NDUFS4: variants seen among roughly 807,000 people sequenced by gnomAD.
The protein encoded by NDUFS4 is NADH dehydrogenase [ubiquinone] iron-sulfur protein 4, mitochondrial.
In NDUFS4, 28 loss-of-function variants were observed where a neutral mutation model predicts 24.3. The observed-to-expected ratio is 1.15, with a 90% CI of 0.85 to 1.58. The LOEUF (loss-of-function observed/expected upper bound fraction) is 1.58. NDUFS4 is among the 40% of genes most tolerant of loss of function. The probability of loss-of-function intolerance (pLI) is 0.00; values close to 1 mark genes in which losing one functional copy is unlikely to be tolerated. For missense variants in NDUFS4, 223 were observed against 207.9 expected (o/e 1.07, Z -0.45); for synonymous variants, 93 against 69.7 (o/e 1.34, Z -1.67).
chr5:53,683,299 C>A lies in NDUFS4; in HGVS notation c.*78C>A. 1 of 1,007,434 alleles carries A rather than the reference C, an allele frequency of 9.9e-7. No homozygotes were observed. Among genetic ancestry groups the A allele is most frequent in the Non-Finnish European group, 1.6e-6 (1 of 636,536 alleles). 62.4% of individuals were successfully genotyped at this position (1,007,434 alleles called of 1,614,324 possible). A position where few individuals can be genotyped will look rare whatever the true frequency, so the allele number is the denominator to read the frequency against. The stretch of plus-strand genomic sequence containing the variant: ...ATTTATAGTCCATGTATAATAAATA[C>A]ATCTCTTAATCTCCTAATAAATTGG... On this transcript the variant is annotated 3_prime_UTR_variant, in exon 5 of 5. Transcript: ENST00000296684.
intron 2 of NDUFS4, among the ~76,000 whole-genome samples, chr5:53,617,907 G>A (rs1308280670): frequency 1.3e-5 from 2 of 152,126 alleles, no homozygotes; most frequent in African/African-American, 4.8e-5. Flanking sequence ...TTTAACCTCT[G>A]TGAGTGTCCT....
chr5:53,653,173 G>A (rs1752067209), intron 3 of NDUFS4, among the ~76,000 whole-genome samples: 1 of 151,776 alleles, frequency 6.6e-6, no homozygotes, highest in Non-Finnish European at 1.5e-5. Flanking sequence ...TTTTTTGTTA[G>A]AAAATTATGA....
chr5:53,603,351 T>A (rs75151684), intron 1 of NDUFS4, 101 bp from the exon 2 acceptor site: 3 of 788,990 alleles, frequency 3.8e-6, no homozygotes, highest in South Asian at 3.3e-5. Flanking sequence ...TTTTTTTTTT[T>A]AATAAGACAG....
chr5:53,571,191 A>G (rs1749199346), intron 1 of NDUFS4, among the ~76,000 whole-genome samples: 1 of 152,200 alleles, frequency 6.6e-6, no homozygotes, highest in African/African-American at 2.4e-5. Context: ...CTCTGTACCC[A>G]TTAGCAGTCG....
chr5:53,646,492 T>C lies in NDUFS4; in HGVS notation c.350+87T>C, dbSNP rs892262223. On this transcript the variant is annotated intron_variant, in intron 3 of 4. Transcript: ENST00000296684. ...TAAATATGATTTTCAAACTCTTTTA[T>C]GTACAATATGCTTATGACAGTACTT... The C allele has an allele frequency of 3.7e-6, 5 of 1,366,794 alleles. No homozygotes were observed. The African/African-American group carries it at 7.2e-5, about 20-fold the overall frequency. 84.7% of individuals were successfully genotyped at this position (1,366,794 alleles called of 1,614,324 possible).
chr5:53,605,029 G>C, intron 2 of NDUFS4: 1 of 371,576 alleles, frequency 2.7e-6, no homozygotes, highest in Middle Eastern at 8.4e-4. Context: ...TGACCAGCTT[G>C]ACCAACATGG....
intron 1 of NDUFS4, among the ~76,000 whole-genome samples, chr5:53,575,374 C>T (rs1749348915): frequency 1.3e-5 from 2 of 151,994 alleles, no homozygotes; most frequent in Admixed American, 1.3e-4. Context: ...GTGGGAGATA[C>T]AGGGTACAGT....
At chr5:53,663,079 A>T (rs1410144787) in intron 4 of NDUFS4, among the ~76,000 whole-genome samples, 1 of 151,792 alleles carries the variant, frequency 6.6e-6, no homozygotes, top group Non-Finnish European at 1.5e-5. Flanking sequence ...TTCATTATGT[A>T]CCCAGTAGTC....
intron 4 of NDUFS4, among the ~76,000 whole-genome samples, chr5:53,681,297 T>G (rs1033534880): frequency 3.9e-5 from 6 of 152,156 alleles, no homozygotes. Context: ...AGCCTCAGTT[T>G]ACTCACCTGT....
At chr5:53,599,562 GTTTA>G (rs1403102786) in intron 1 of NDUFS4, among the ~76,000 whole-genome samples, 2 of 152,050 alleles carry the variant, frequency 1.3e-5, no homozygotes, top group African/African-American at 2.4e-5. Flanking sequence ...TTGGATAAAT[GTTTA>G]TTTAGGTGTT....
intron 1 of NDUFS4, among the ~76,000 whole-genome samples, chr5:53,596,799 T>C (rs1291386579): frequency 6.6e-6 from 1 of 152,212 alleles, no homozygotes; most frequent in Non-Finnish European, 1.5e-5. Flanking sequence ...CGTAATTAGT[T>C]CTAATCAAAA....
chr5:53,589,932 A>T (rs1185068586), intron 1 of NDUFS4, among the ~76,000 whole-genome samples: 1 of 152,220 alleles, frequency 6.6e-6, no homozygotes, highest in Non-Finnish European at 1.5e-5. Context: ...CTCAACTTGC[A>T]GATGGCTTAT....
intron 2 of NDUFS4, 153 bp from the exon 3 acceptor site, chr5:53,646,080 A>G: frequency 1.5e-6 from 1 of 645,688 alleles, no homozygotes; most frequent in Non-Finnish European, 2.7e-6. Flanking sequence ...TTTACATTGT[A>G]AAGTATCAGA....
chr5:53,564,372 C>A (rs1004048926), intron 1 of NDUFS4, among the ~76,000 whole-genome samples: 2 of 152,160 alleles, frequency 1.3e-5, no homozygotes, highest in Non-Finnish European at 2.9e-5. Context: ...CTCCTAGGGG[C>A]AGCTATTTTT....
At chr5:53,588,979 C>G (rs1033418990) in intron 1 of NDUFS4, among the ~76,000 whole-genome samples, 2 of 149,654 alleles carry the variant, frequency 1.3e-5, no homozygotes, top group African/African-American at 4.9e-5. Flanking sequence ...AATGCATAGC[C>G]ATCTTAAAAA....
intron 1 of NDUFS4, among the ~76,000 whole-genome samples, chr5:53,597,606 A>G (rs1490113242): frequency 1.3e-5 from 2 of 152,172 alleles, no homozygotes; most frequent in African/African-American, 4.8e-5. Flanking sequence ...CTTTTTGAAA[A>G]GTGTATTTTG....
At chr5:53,626,747 A>C (rs1395228275) in intron 2 of NDUFS4, among the ~76,000 whole-genome samples, 1 of 151,842 alleles carries the variant, frequency 6.6e-6, no homozygotes, top group African/African-American at 2.4e-5. Flanking sequence ...TTTTCTCATA[A>C]ATTTGTTTAA....
intron 2 of NDUFS4, among the ~76,000 whole-genome samples, chr5:53,606,512 G>A (rs1450352034): frequency 6.6e-6 from 1 of 152,048 alleles, no homozygotes; most frequent in African/African-American, 2.4e-5. Flanking sequence ...GATTACAGGT[G>A]CCCGCCACCA....
At chr5:53,650,998 A>G (rs1752000285) in intron 3 of NDUFS4, among the ~76,000 whole-genome samples, 1 of 152,164 alleles carries the variant, frequency 6.6e-6, no homozygotes, top group African/African-American at 2.4e-5. Flanking sequence ...GAGATATACT[A>G]TATGTTTGGG....
Sources: allele counts gnomAD v4.1 joint callset (sites outside exome capture counted in the v4.1 genomes callset), GRCh38; gene constraint gnomAD v4.1.1; transcripts MANE v1.5; gene names NCBI Gene and HGNC (gene_info 2026-07-23, HGNC 2026-07-21).